Variants in MNAT1 observed in about 807,000 individuals in gnomAD.
The protein encoded by MNAT1 is MNAT1 component of CDK activating kinase, also known as CDK-activating kinase assembly factor MAT1.
In MNAT1, 43 loss-of-function variants were observed where a neutral mutation model predicts 42.0. The ratio of observed to expected loss-of-function variants is 1.02; its 90% CI spans 0.80 to 1.32. MNAT1 has a LOEUF of 1.32. Ranked by LOEUF, MNAT1 falls within the 40% of genes most tolerant of loss-of-function variation. The pLI is 0.00. For synonymous variants in MNAT1, 118 were observed against 120.0 expected (o/e 0.98, Z 0.11); for missense variants, 306 against 350.4 (o/e 0.87, Z 1.01).
At chr14:60,836,238 C>T (rs1319625818) in intron 6 of MNAT1, among the ~76,000 whole-genome samples, 1 of 152,180 alleles carries the variant, frequency 6.6e-6, no homozygotes, top group African/African-American at 2.4e-5. Context: ...CTACTTCTGT[C>T]AGTTCATCAA....
chr14:60,811,027 A>G (rs542277660), intron 4 of MNAT1, among the ~76,000 whole-genome samples: 3 of 152,106 alleles, frequency 2.0e-5, no homozygotes, highest in East Asian at 3.9e-4. Context: ...TTACATATTT[A>G]GTTGTTTATA....
intron 1 of MNAT1, among the ~76,000 whole-genome samples, chr14:60,782,497 A>G (rs1312640858): frequency 6.6e-6 from 1 of 152,010 alleles, no homozygotes; most frequent in South Asian, 2.1e-4. Flanking sequence ...GCTCAATTCA[A>G]CCTATTTCTT....
chr14:60,930,206 TTTATTATTATTATTATTATTA>T (rs71114168), intron 7 of MNAT1, among the ~76,000 whole-genome samples: 2 of 138,750 alleles, frequency 1.4e-5, no homozygotes, highest in African/African-American at 5.3e-5. Flanking sequence ...TTCTTCCGTC[TTTATTATTATTATTATTATTA>T]TTATTATTAT....
intron 6 of MNAT1, among the ~76,000 whole-genome samples, chr14:60,861,043 T>C (rs1046845536): frequency 2.6e-5 from 4 of 152,112 alleles, no homozygotes; most frequent in Non-Finnish European, 5.9e-5. Context: ...TAGTGTAGGA[T>C]CTTGAGGCTT....
intron 7 of MNAT1, among the ~76,000 whole-genome samples, chr14:60,890,261 C>T (rs956971837): frequency 6.6e-6 from 1 of 152,178 alleles, no homozygotes; most frequent in Non-Finnish European, 1.5e-5. Context: ...CCATGATTTG[C>T]ATTTGTTAAA....
At chr14:60,933,986 G>C (rs1190906263) in intron 7 of MNAT1, among the ~76,000 whole-genome samples, 1 of 152,200 alleles carries the variant, frequency 6.6e-6, no homozygotes, top group Admixed American at 6.5e-5. Flanking sequence ...AAAGTGGAAT[G>C]GATGAAAGGG....
Position 60,968,296 on chromosome 14 carries a change from T to G in MNAT1, c.877T>G (p.Cys293Gly), listed in dbSNP as rs1428476228. 14 of 1,614,018 alleles carry G rather than the reference T, an allele frequency of 8.7e-6. No homozygotes were observed. The highest frequency in any genetic ancestry group is 1.2e-5 in the Non-Finnish European group (14 of 1,179,920). The change falls in exon 8 of 8, where the codon TGT (cysteine) becomes GGT (glycine). Residue 293 changes from cysteine (C) to glycine (G), a missense_variant. Transcript: ENST00000261245. ...LAGGYTSSLA[C>G]HRALQDAFSG... is the part of the protein sequence containing the mutation. Reference sequence around the variant, plus strand: ...TGGAGGCTATACTTCTTCTCTTGCTTGTCACAGAGCACTACAGGATGCATT... The same window carrying G: ...TGGAGGCTATACTTCTTCTCTTGCTGGTCACAGAGCACTACAGGATGCATT...
chr14:60,907,800 A>AAAG (rs1232039440), intron 7 of MNAT1, among the ~76,000 whole-genome samples: 3 of 151,416 alleles, frequency 2.0e-5, no homozygotes, highest in Non-Finnish European at 4.4e-5. Context: ...AAAAAAAAAA[A>AAAG]AAAAAGTTGC....
chr14:60,896,987 A>G (rs537358358), intron 7 of MNAT1, among the ~76,000 whole-genome samples: 1 of 152,342 alleles, frequency 6.6e-6, no homozygotes, highest in African/African-American at 2.4e-5. Flanking sequence ...TTCCCAAGAA[A>G]TCAATTGACA....
intron 7 of MNAT1, among the ~76,000 whole-genome samples, chr14:60,900,700 A>G (rs888744103): frequency 6.6e-6 from 1 of 152,260 alleles, no homozygotes; most frequent in African/African-American, 2.4e-5. Context: ...AGGAGATGCC[A>G]TCTAGGATTT....
rs4151202 is a variant in MNAT1, at chr14:60,796,846, A to G, written c.242+477A>G. On this transcript the variant is annotated intron_variant, in intron 2 of 7. Coordinates refer to ENST00000261245, the MANE Select transcript of MNAT1 (RefSeq NM_002431.4). ...TAGTGACTCAGTGTTGCTGTGGTCA[A>G]TGATGTCAGGTGTGGGCAGAGGAGG... is the stretch of plus-strand genomic sequence containing the variant. Among the ~76,000 whole-genome samples, 70 of 152,312 alleles carry G rather than the reference A, an allele frequency of 4.6e-4. 1 individual carries two copies. The East Asian group carries it at 9.8e-3, about 21-fold the overall frequency.
chr14:60,969,873 G>C lies in MNAT1; in HGVS notation c.*1524G>C. 1 of 152,112 alleles carries C rather than the reference G, an allele frequency of 6.6e-6. No homozygotes were observed. Among genetic ancestry groups the C allele is most frequent in the South Asian group, 2.1e-4 (1 of 4,828 alleles). The allele number at this position is 152,112 out of a possible 1,614,324, so 9.4% of individuals were successfully genotyped here. On this transcript the variant is annotated 3_prime_UTR_variant, in exon 8 of 8. Coordinates refer to ENST00000261245, the MANE Select transcript of MNAT1 (RefSeq NM_002431.4). ...GAACTAATTAATAAAACATATCAAA[G>C]GCTTTTAAGGCTTGTTTTGAGCCTG...
chr14:60,793,569 A>G (rs1021528628), intron 1 of MNAT1, among the ~76,000 whole-genome samples: 6 of 151,840 alleles, frequency 4.0e-5, no homozygotes, highest in African/African-American at 1.5e-4. Context: ...GGAGGGATCT[A>G]GCCATGTTGT....
chr14:60,787,531 C>T (rs914394905), intron 1 of MNAT1, among the ~76,000 whole-genome samples: 2 of 152,092 alleles, frequency 1.3e-5, no homozygotes, highest in Non-Finnish European at 2.9e-5. Flanking sequence ...CAATGAAGTT[C>T]GTTGCATTTA....
intron 2 of MNAT1, among the ~76,000 whole-genome samples, chr14:60,797,283 A>G (rs900545825): frequency 6.6e-6 from 1 of 151,928 alleles, no homozygotes; most frequent in Non-Finnish European, 1.5e-5. Context: ...TTGATCTTTC[A>G]TTGGTAATTC....
chr14:60,739,737 A>G (rs1023382978), intron 1 of MNAT1, among the ~76,000 whole-genome samples: 2 of 152,188 alleles, frequency 1.3e-5, no homozygotes, highest in African/African-American at 4.8e-5. Flanking sequence ...TCAATTACAG[A>G]AAATGGTAAT....
intron 1 of MNAT1, among the ~76,000 whole-genome samples, chr14:60,787,006 C>A (rs377541648): frequency 1.3e-5 from 2 of 152,038 alleles, no homozygotes; most frequent in Non-Finnish European, 2.9e-5. Context: ...TTCCTTTCCC[C>A]GAAGTAGAAT....
At chr14:60,751,511 T>G (rs952547361) in intron 1 of MNAT1, among the ~76,000 whole-genome samples, 1 of 152,066 alleles carries the variant, frequency 6.6e-6, no homozygotes, top group Non-Finnish European at 1.5e-5. Flanking sequence ...TATTTGGTTT[T>G]TGAGGTATAA....
At chr14:60,941,301 A>C (rs2036154779) in intron 7 of MNAT1, among the ~76,000 whole-genome samples, 1 of 152,212 alleles carries the variant, frequency 6.6e-6, no homozygotes, top group Non-Finnish European at 1.5e-5. Flanking sequence ...GGTCAATACT[A>C]CTGACTAGGA....
Sources: allele counts gnomAD v4.1 joint callset (sites outside exome capture counted in the v4.1 genomes callset), GRCh38; gene constraint gnomAD v4.1.1; transcripts MANE v1.5; gene names NCBI Gene and HGNC (gene_info 2026-07-23, HGNC 2026-07-21).